FCHO2: variants seen among roughly 807,000 people sequenced by gnomAD.
The protein encoded by FCHO2 is F-BAR domain only protein 2.
FCHO2 carries 43 observed loss-of-function variants against 114.1 expected under a neutral mutation model. That is an observed-to-expected ratio of 0.38 (90% CI 0.30 to 0.49). FCHO2 has a LOEUF of 0.49. FCHO2 is among the 20% of genes least tolerant of loss of function. FCHO2 has a pLI of 0.97. For synonymous variants in FCHO2, 293 were observed against 315.2 expected, an observed-to-expected ratio of 0.93 and a Z score of 0.75; for missense variants, 807 against 950.4, an observed-to-expected ratio of 0.85 and a Z score of 1.98.
chr5:73,066,723 G>C (rs113734713), intron 18 of FCHO2, among the ~76,000 whole-genome samples: 1 of 151,704 alleles, frequency 6.6e-6, no homozygotes, highest in Non-Finnish European at 1.5e-5. Flanking sequence ...GGCACCCAAC[G>C]TGCAGTACCA....
At position 73,077,334 on chromosome 5, in the gene FCHO2, T is replaced by G; in HGVS notation, c.1692-4T>G. On this transcript the variant is annotated splice_polypyrimidine_tract_variant and splice_region_variant and intron_variant, in intron 20 of 25. Transcript: ENST00000430046. ...TTAAACACTTTTCAAAATCCCTGTT[T>G]TAGGTGTATTGTGAAGATCACTGGT... is the stretch of plus-strand genomic sequence containing the variant. The G allele has an allele frequency of 6.4e-7, 1 of 1,566,230 alleles. No homozygotes were observed. The highest frequency in any genetic ancestry group is 8.7e-7 in the Non-Finnish European group (1 of 1,154,912).
chr5:73,029,632 A>C (rs569484578), intron 8 of FCHO2, among the ~76,000 whole-genome samples: 1 of 152,192 alleles, frequency 6.6e-6, no homozygotes, highest in Non-Finnish European at 1.5e-5. Context: ...TACAGGCTTT[A>C]TAGGAAGCAT....
chr5:73,014,388 A>T (rs1303507158), intron 6 of FCHO2, among the ~76,000 whole-genome samples: 2 of 149,754 alleles, frequency 1.3e-5, no homozygotes, highest in Non-Finnish European at 3.0e-5. Flanking sequence ...TCCCGGGTTC[A>T]AGCGATTCTC....
intron 1 of FCHO2, among the ~76,000 whole-genome samples, chr5:72,966,440 G>C (rs1752205887): frequency 6.6e-6 from 1 of 152,242 alleles, no homozygotes; most frequent in South Asian, 2.1e-4. Context: ...ACAAGCCTCT[G>C]ACAATAAATT....
rs1282269436 is a variant in FCHO2, at chr5:73,061,770, A to T, written c.1346-2071A>T. Among the ~76,000 whole-genome samples, 3 of 152,122 alleles carry T rather than the reference A, an allele frequency of 2.0e-5. No individual in the cohort carries two copies. The East Asian group carries it at 5.8e-4, about 29-fold the overall frequency. On this transcript the variant is annotated intron_variant, in intron 17 of 25. Transcript: ENST00000430046. ...GAAGGCATTCCAGAGATTGCATTGT[A>T]AAGCTGAAAATACTTTTAGGTTTCC...
intron 5 of FCHO2, chr5:72,996,927 G>T: frequency 6.3e-7 from 1 of 1,597,970 alleles, no homozygotes; most frequent in Non-Finnish European, 8.5e-7. Flanking sequence ...AGGATGATGC[G>T]GACGCAGTGT....
chr5:73,055,741 A>G (rs1757560617), intron 15 of FCHO2, among the ~76,000 whole-genome samples: 1 of 152,208 alleles, frequency 6.6e-6, no homozygotes, highest in Admixed American at 6.5e-5. Context: ...CTTAACTAGA[A>G]TTTATGTATT....
chr5:72,973,423 A>C (rs1165140190), intron 2 of FCHO2, among the ~76,000 whole-genome samples: 3 of 152,092 alleles, frequency 2.0e-5, no homozygotes, highest in Admixed American at 6.5e-5. Flanking sequence ...TTCCTGGTTT[A>C]GTCTTGGGAG....
At chr5:73,035,127 C>T (rs1261059592) in intron 9 of FCHO2, among the ~76,000 whole-genome samples, 2 of 151,966 alleles carry the variant, frequency 1.3e-5, no homozygotes, top group Admixed American at 6.6e-5. Context: ...GTTAATATTA[C>T]CATCATTTGG....
intron 5 of FCHO2, among the ~76,000 whole-genome samples, chr5:72,993,902 A>G (rs10043933): frequency 0.041 from 6,312 of 152,322 alleles, 163 homozygotes; most frequent in Non-Finnish European, 0.062. Flanking sequence ...TCCCTATTCA[A>G]TAAATGGTTC....
At chr5:73,071,597 C>G (rs1385090002) in intron 19 of FCHO2, among the ~76,000 whole-genome samples, 1 of 151,742 alleles carries the variant, frequency 6.6e-6, no homozygotes, top group Non-Finnish European at 1.5e-5. Flanking sequence ...CACAATCTAC[C>G]CTTATTAAGA....
chr5:72,981,630 G>A (rs1441908982), intron 2 of FCHO2, among the ~76,000 whole-genome samples: 1 of 152,142 alleles, frequency 6.6e-6, no homozygotes, highest in African/African-American at 2.4e-5. Context: ...TTTCTTGGAG[G>A]CTTTGTTTGT....
intron 1 of FCHO2, among the ~76,000 whole-genome samples, chr5:72,956,779 C>T (rs1000524538): frequency 1.3e-5 from 2 of 152,126 alleles, no homozygotes; most frequent in African/African-American, 4.8e-5. Flanking sequence ...TGGAGACCTC[C>T]CCCTACTCTG....
At chr5:73,046,509 T>G (rs991308746) in intron 11 of FCHO2, among the ~76,000 whole-genome samples, 17 of 152,214 alleles carry the variant, frequency 1.1e-4, no homozygotes, top group African/African-American at 4.1e-4. Context: ...AAATGGTGTA[T>G]TCTAAACAAA....
chr5:72,989,517 C>T lies in FCHO2; in HGVS notation c.200+16C>T, dbSNP rs1430114527. On this transcript the variant is annotated intron_variant, in intron 3 of 25. Transcript: ENST00000430046. ...CACAACTTGGGTGAGTTAATTTCTTCCTCTTTTTCAGTGTTTATTTAGGCA... is the reference window on the plus strand; with the variant it reads ...CACAACTTGGGTGAGTTAATTTCTTTCTCTTTTTCAGTGTTTATTTAGGCA... 3.8e-6 allele frequency: 6 copies of T among 1,584,706 alleles called. No homozygotes were observed. Among genetic ancestry groups the T allele is most frequent in the East Asian group, 4.5e-5 (2 of 44,050 alleles).
rs1184729011 is a variant in FCHO2 at position 73,026,999 on chromosome 5, G to GT, written c.797-7648dup. ...GAACCACGGCACCTGGCCTGTCATTGTTTTTTTTTTGTTTGTTTGTTTTTT... is the reference window on the plus strand; with the variant it reads ...GAACCACGGCACCTGGCCTGTCATTGTTTTTTTTTTTGTTTGTTTGTTTTTT... On this transcript the variant is annotated intron_variant, in intron 8 of 25. Transcript: ENST00000430046. Among the ~76,000 whole-genome samples the GT allele has an allele frequency of 4.8e-3, 564 of 116,860 alleles. 2 individuals carry two copies. The highest frequency in any genetic ancestry group is 0.016 in the African/African-American group (495 of 31,832). 76.7% of individuals were successfully genotyped at this position (116,860 alleles called of 152,430 possible).
intron 6 of FCHO2, among the ~76,000 whole-genome samples, chr5:73,011,033 A>G (rs1275605366): frequency 6.6e-6 from 1 of 152,202 alleles, no homozygotes; most frequent in Non-Finnish European, 1.5e-5. Context: ...GTAGGCAGTT[A>G]TAACAAAATG....
At chr5:73,054,829 C>T (rs1357898471) in intron 15 of FCHO2, among the ~76,000 whole-genome samples, 1 of 152,144 alleles carries the variant, frequency 6.6e-6, no homozygotes, top group African/African-American at 2.4e-5. Flanking sequence ...AACGGTTTCA[C>T]TGGCATTCTC....
intron 5 of FCHO2, among the ~76,000 whole-genome samples, chr5:73,003,260 G>C (rs1267719934): frequency 6.6e-6 from 1 of 152,038 alleles, no homozygotes; most frequent in Non-Finnish European, 1.5e-5. Flanking sequence ...ACTATTCTCT[G>C]CCTCTGCCTC....
Sources: gnomAD v4.1 joint callset for allele counts (sites outside exome capture counted in the v4.1 genomes callset) on GRCh38, gnomAD v4.1.1 for gene constraint, MANE v1.5 for transcripts, NCBI Gene and HGNC (gene_info 2026-07-23, HGNC 2026-07-21) for gene names.